POLN: variants seen among roughly 807,000 people sequenced by gnomAD.
The protein encoded by POLN is DNA polymerase N.
POLN carries 108 observed loss-of-function variants against 113.5 expected under a neutral mutation model. That is an observed-to-expected ratio of 0.95 (90% confidence interval 0.81 to 1.12). The LOEUF is 1.12. Among genes scored for constraint, POLN ranks in the 50% most tolerant of loss-of-function variants. The pLI, the probability that POLN is intolerant of heterozygous loss-of-function variation, is 0.00. For missense variants in POLN, 1,097 were observed against 1,077.1 expected (o/e 1.02, Z -0.26); for synonymous variants, 386 against 391.5 (o/e 0.99, Z 0.17).
intron 13 of POLN, among the ~76,000 whole-genome samples, chr4:2,161,104 G>A (rs1436271520): frequency 1.3e-5 from 2 of 152,156 alleles, no homozygotes; most frequent in Admixed American, 6.5e-5. Flanking sequence ...GTGACACCGC[G>A]CTGGCACTCC....
At position 2,219,080 on chromosome 4, in the gene POLN, C is replaced by T. The variant is rs950232005; in HGVS notation, c.134-5954G>A. 2.6e-5 allele frequency among the ~76,000 whole-genome samples: 4 copies of T among 152,296 alleles called. No homozygotes were observed. The South Asian group carries it at 8.3e-4, about 32-fold the overall frequency. On this transcript the variant is annotated intron_variant, in intron 3 of 25. Coordinates refer to ENST00000511885, the MANE Select transcript of POLN (RefSeq NM_181808.4). ...TACTCACTAGGAGAGCTCTCATCCT[C>T]AGGCCAAGGAGCCAGTACCTGAGGG... is the stretch of plus-strand genomic sequence containing the variant.
intron 21 of POLN, 131 bp downstream of exon 21, chr4:2,085,482 G>A: frequency 3.4e-6 from 4 of 1,169,724 alleles, no homozygotes; most frequent in Non-Finnish European, 4.8e-6. Flanking sequence ...AATAAGAGCT[G>A]AGGATTCACC....
intron 7 of POLN, among the ~76,000 whole-genome samples, chr4:2,182,511 C>T (rs2108752240): frequency 6.6e-6 from 1 of 152,278 alleles, no homozygotes; most frequent in African/African-American, 2.4e-5. Context: ...CCCTCAGAGA[C>T]TCCAGAAGGA....
At chr4:2,225,606 T>G (rs1734365210) in intron 3 of POLN, among the ~76,000 whole-genome samples, 1 of 151,578 alleles carries the variant, frequency 6.6e-6, no homozygotes, top group Admixed American at 6.6e-5. Context: ...GATTTTAGTT[T>G]TTTGTTTGTT....
chr4:2,180,719 A>T (rs1200521869), intron 7 of POLN, among the ~76,000 whole-genome samples: 1 of 152,228 alleles, frequency 6.6e-6, no homozygotes, highest in Non-Finnish European at 1.5e-5. Context: ...GGTTATCAAC[A>T]TATGTTTTTT....
chr4:2,081,165 G>C (rs748922791), intron 22 of POLN, 129 bp from the exon 23 acceptor site: 2 of 1,596,126 alleles, frequency 1.3e-6, no homozygotes, highest in East Asian at 2.2e-5. Flanking sequence ...CTGTCTGAGT[G>C]CCAGGGCCAC....
intron 19 of POLN, among the ~76,000 whole-genome samples, chr4:2,113,254 G>A (rs1191105388): frequency 1.0e-5 from 1 of 97,660 alleles, no homozygotes; most frequent in Admixed American, 1.4e-4. Flanking sequence ...GGGGAGGGGG[G>A]AGGGATAGCA....
intron 20 of POLN, among the ~76,000 whole-genome samples, chr4:2,092,241 C>T (rs1342345929): frequency 2.6e-5 from 4 of 152,168 alleles, no homozygotes; most frequent in Non-Finnish European, 4.4e-5. Context: ...CTGTGGGTCA[C>T]GTGATGACTG....
intron 7 of POLN, among the ~76,000 whole-genome samples, chr4:2,191,456 A>C (rs187993163): frequency 1.4e-4 from 21 of 152,348 alleles, no homozygotes; most frequent in Middle Eastern, 3.4e-3. Flanking sequence ...ACAATAATCT[A>C]TTGTATATTT....
intron 23 of POLN, chr4:2,080,677 G>A (rs577479374): frequency 2.2e-6 from 3 of 1,338,892 alleles, no homozygotes; most frequent in Admixed American, 6.3e-5. Flanking sequence ...CTCAAGGGGT[G>A]CCCCTGTGCT....
chr4:2,202,216 T>C (rs916626432), intron 5 of POLN, among the ~76,000 whole-genome samples: 2 of 152,142 alleles, frequency 1.3e-5, no homozygotes, highest in African/African-American at 4.8e-5. Flanking sequence ...TGAATGTAAA[T>C]GGCCTAAATG....
Position 2,208,323 on chromosome 4 carries a change from A to G in POLN, c.378T>C (p.Ala126=). The stretch of plus-strand genomic sequence containing the variant: ...TATGCCCCTTTTTCTGTAGAACTGA[A>G]GCCTCTTGATTATACTGTGGAATTA... ...SCLIPQYNQE[A]SVLQKKGHKR... is the part of the protein sequence containing the mutation. Residue 126 remains alanine (A), a synonymous_variant, in exon 5 of 26, where the codon GCT becomes GCC. Transcript: ENST00000511885. The G allele has an allele frequency of 6.2e-7, 1 of 1,609,960 alleles. No individual in the cohort carries two copies. The highest frequency in any genetic ancestry group is 2.2e-5 in the East Asian group (1 of 44,862).
At chr4:2,101,309 T>C (rs748746072) in intron 19 of POLN, among the ~76,000 whole-genome samples, 3 of 152,126 alleles carry the variant, frequency 2.0e-5, no homozygotes, top group Non-Finnish European at 2.9e-5. Flanking sequence ...GCATGCCTCA[T>C]CCACTTAAAA....
At position 2,134,572 on chromosome 4, in the gene POLN, T is replaced by C. The variant is rs556265259; in HGVS notation, c.1732-3282A>G. 2.0e-5 allele frequency among the ~76,000 whole-genome samples: 3 copies of C among 152,356 alleles called. No homozygotes were observed. The South Asian group carries it at 6.2e-4, about 32-fold the overall frequency. ...GATCTTAGTCGTTCTAATAGGTATG[T>C]AGTGGGATCTCATTATTGTTTTAAC... On this transcript the variant is annotated intron_variant, in intron 16 of 25. Coordinates refer to ENST00000511885, the MANE Select transcript of POLN (RefSeq NM_181808.4).
At position 2,124,789 on chromosome 4, in the gene POLN, G is replaced by A. The variant is rs148149751; in HGVS notation, c.1982+3324C>T. 7.2e-5 allele frequency among the ~76,000 whole-genome samples: 11 copies of A among 152,260 alleles called. 1 individual carries two copies. Among genetic ancestry groups the A allele is most frequent in the Admixed American group, 4.6e-4 (7 of 15,282 alleles). On this transcript the variant is annotated intron_variant, in intron 19 of 25. Transcript: ENST00000511885. ...GTCCCTTGCTGGGGGTGGGGTCCTC[G>A]TTGCTGTTGCTGGCCCTGGACCTCG...
chr4:2,121,681 G>T (rs1380222114), intron 19 of POLN, among the ~76,000 whole-genome samples: 2 of 151,824 alleles, frequency 1.3e-5, no homozygotes, highest in Admixed American at 1.3e-4. Flanking sequence ...CAGAATCTAT[G>T]GATATATCTC....
At chr4:2,219,915 CATAA>C (rs1168970298) in intron 3 of POLN, among the ~76,000 whole-genome samples, 2 of 152,168 alleles carry the variant, frequency 1.3e-5, no homozygotes. Flanking sequence ...AGTGATCCCG[CATAA>C]ATAAACTCTC....
chr4:2,098,518 G>C (rs1033997712), intron 19 of POLN, among the ~76,000 whole-genome samples: 2 of 152,200 alleles, frequency 1.3e-5, no homozygotes, highest in Non-Finnish European at 2.9e-5. Context: ...GGTAAGTTTA[G>C]ATTGATGCCA....
intron 5 of POLN, among the ~76,000 whole-genome samples, chr4:2,204,109 C>CAAA (rs566255148): frequency 3.8e-5 from 2 of 53,234 alleles, no homozygotes; most frequent in Non-Finnish European, 3.5e-5. Context: ...AACTCTATCA[C>CAAA]AAAAAAAAAA....
Sources: gnomAD v4.1 joint callset for allele counts (sites outside exome capture counted in the v4.1 genomes callset) on GRCh38, gnomAD v4.1.1 for gene constraint, MANE v1.5 for transcripts, NCBI Gene and HGNC (gene_info 2026-07-23, HGNC 2026-07-21) for gene names.